Variants in RBFOX1 observed in about 807,000 individuals in gnomAD.
The protein encoded by RBFOX1 is RNA binding fox-1 homolog 1, also known as RNA binding protein fox-1 homolog 1.
In RBFOX1, 8 loss-of-function variants were observed where a neutral mutation model predicts 57.7. The observed-to-expected ratio is 0.14, with a 90% CI of 0.08 to 0.25. The LOEUF (loss-of-function observed/expected upper bound fraction) is 0.25, where lower values mean the gene tolerates loss of function less well. Ranked by LOEUF, RBFOX1 falls within the 10% of genes least tolerant of loss-of-function variation. RBFOX1 has a pLI of 1.00. For missense variants in RBFOX1, 611 were observed against 548.5 expected, an observed-to-expected ratio of 1.11 and a Z score of -1.14; for synonymous variants, 326 against 222.4, an observed-to-expected ratio of 1.47 and a Z score of -4.15.
intron 1 of RBFOX1, among the ~76,000 whole-genome samples, chr16:5,383,188 C>G (rs2066172038): frequency 6.6e-6 from 1 of 152,162 alleles, no homozygotes; most frequent in South Asian, 2.1e-4. Flanking sequence ...CAAGTCTTCA[C>G]TTACTGGTGG....
chr16:7,325,785 T>A (rs1348858021), intron 4 of RBFOX1, among the ~76,000 whole-genome samples: 1 of 152,192 alleles, frequency 6.6e-6, no homozygotes, highest in African/African-American at 2.4e-5. Context: ...TTTGTAGCCA[T>A]CCTCTCCTTC....
chr16:7,212,178 A>G (rs554845666), intron 4 of RBFOX1, among the ~76,000 whole-genome samples: 3 of 152,308 alleles, frequency 2.0e-5, no homozygotes, highest in African/African-American at 7.2e-5. Context: ...TGCTTGGGGC[A>G]GACTGTTTGA....
chr16:6,186,570 C>T (rs1030316542), intron 1 of RBFOX1, among the ~76,000 whole-genome samples: 2 of 152,098 alleles, frequency 1.3e-5, no homozygotes, highest in East Asian at 3.9e-4. Flanking sequence ...GGACATTGCC[C>T]TAGCTTCACG....
intron 14 of RBFOX1, among the ~76,000 whole-genome samples, chr16:7,694,444 A>T (rs1175515795): frequency 6.6e-6 from 1 of 152,238 alleles, no homozygotes; most frequent in Non-Finnish European, 1.5e-5. Flanking sequence ...TCTGTTCTAA[A>T]AGGCAGGGTC....
intron 2 of RBFOX1, among the ~76,000 whole-genome samples, chr16:6,342,628 A>T (rs554963868): frequency 6.6e-6 from 1 of 152,162 alleles, no homozygotes; most frequent in Admixed American, 6.5e-5. Flanking sequence ...AGAGTTAGGT[A>T]TACATATCTG....
intron 2 of RBFOX1, among the ~76,000 whole-genome samples, chr16:6,589,919 C>G (rs1245931479): frequency 6.6e-6 from 1 of 152,166 alleles, no homozygotes; most frequent in Non-Finnish European, 1.5e-5. Flanking sequence ...AGTTTCAACT[C>G]CACCTGTAGC....
intron 3 of RBFOX1, among the ~76,000 whole-genome samples, chr16:6,671,376 A>G (rs1159956319): frequency 1.3e-5 from 2 of 152,212 alleles, no homozygotes; most frequent in Admixed American, 1.3e-4. Flanking sequence ...CTTATAAGAT[A>G]TTTTGACCAT....
chr16:6,929,312 G>A (rs978636115), intron 3 of RBFOX1, among the ~76,000 whole-genome samples: 1 of 152,104 alleles, frequency 6.6e-6, no homozygotes, highest in Non-Finnish European at 1.5e-5. Flanking sequence ...AATGGAAGAG[G>A]GGTTTACCTT....
chr16:6,969,341 C>T (rs1437974710), intron 3 of RBFOX1, among the ~76,000 whole-genome samples: 1 of 152,104 alleles, frequency 6.6e-6, no homozygotes, highest in Non-Finnish European at 1.5e-5. Flanking sequence ...TTGAGGGAGG[C>T]AGTGTCATGC....
Position 7,710,994 on chromosome 16 carries a change from T to C in RBFOX1, c.*249T>C. Reference sequence around the variant, plus strand: ...TGCTGGCTGTAGGAGTTTTTGTGGTTGATCTAGACAGATGCTAGATAATGA... The same window carrying C: ...TGCTGGCTGTAGGAGTTTTTGTGGTCGATCTAGACAGATGCTAGATAATGA... On this transcript the variant is annotated 3_prime_UTR_variant, in exon 16 of 16. Transcript: ENST00000550418. The C allele has an allele frequency of 2.5e-6, 1 of 400,850 alleles. No individual in the cohort carries two copies. 24.8% of individuals were successfully genotyped at this position (400,850 alleles called of 1,614,324 possible).
chr16:5,240,936 T>A (rs2062151482), intron 1 of RBFOX1, among the ~76,000 whole-genome samples: 2 of 152,220 alleles, frequency 1.3e-5, no homozygotes, highest in African/African-American at 4.8e-5. Context: ...TGGAGAGCTG[T>A]ACCCCTCAGT....
intron 4 of RBFOX1, among the ~76,000 whole-genome samples, chr16:7,372,379 T>C (rs572509961): frequency 6.6e-6 from 1 of 152,342 alleles, no homozygotes; most frequent in African/African-American, 2.4e-5. Context: ...AGGCATCTGA[T>C]ACTTGCCTTG....
At chr16:6,091,410 G>C (rs1597217728) in intron 1 of RBFOX1, among the ~76,000 whole-genome samples, 1 of 152,166 alleles carries the variant, frequency 6.6e-6, no homozygotes, top group African/African-American at 2.4e-5. Flanking sequence ...TCTTTATAGA[G>C]GTCACCAGAT....
intron 3 of RBFOX1, among the ~76,000 whole-genome samples, chr16:7,018,913 G>A (rs907708869): frequency 6.6e-6 from 1 of 152,128 alleles, no homozygotes; most frequent in Non-Finnish European, 1.5e-5. Context: ...GAGCTCAGGA[G>A]TTCAAGACCA....
intron 3 of RBFOX1, among the ~76,000 whole-genome samples, chr16:7,046,935 T>C (rs1348032699): frequency 6.6e-6 from 1 of 151,960 alleles, no homozygotes; most frequent in East Asian, 1.9e-4. Context: ...GTATTGTATA[T>C]CCATAAATTA....
chr16:7,251,645 C>G (rs528095550), intron 4 of RBFOX1, among the ~76,000 whole-genome samples: 1 of 152,094 alleles, frequency 6.6e-6, no homozygotes, highest in Non-Finnish European at 1.5e-5. Context: ...GTCTTGAACT[C>G]CTGACCTCAA....
At chr16:6,594,816 T>A (rs2097760904) in intron 2 of RBFOX1, among the ~76,000 whole-genome samples, 1 of 152,028 alleles carries the variant, frequency 6.6e-6, no homozygotes, top group Non-Finnish European at 1.5e-5. Flanking sequence ...TGAGACGGAG[T>A]CTCATTCCGT....
intron 2 of RBFOX1, among the ~76,000 whole-genome samples, chr16:6,610,103 G>A (rs747097799): frequency 1.6e-4 from 25 of 151,980 alleles, no homozygotes; most frequent in Non-Finnish European, 1.6e-4. Context: ...AAATAAGAAC[G>A]GAGGTAGATG....
chr16:7,279,676 T>A (rs866876753), intron 4 of RBFOX1, among the ~76,000 whole-genome samples: 1 of 152,206 alleles, frequency 6.6e-6, no homozygotes, highest in African/African-American at 2.4e-5. Flanking sequence ...TATGGTCACA[T>A]CATTCTATGA....
Sources: gnomAD v4.1 joint callset for allele counts (sites outside exome capture counted in the v4.1 genomes callset) on GRCh38, gnomAD v4.1.1 for gene constraint, MANE v1.5 for transcripts, NCBI Gene and HGNC (gene_info 2026-07-23, HGNC 2026-07-21) for gene names.